PLEKHG7: variants seen among roughly 807,000 people sequenced by gnomAD.
The protein encoded by PLEKHG7 is pleckstrin homology domain-containing family G member 7.
In PLEKHG7, 77 loss-of-function variants were observed where a neutral mutation model predicts 85.2. The observed-to-expected ratio is 0.90, with a 90% CI of 0.75 to 1.09. The LOEUF is 1.09. Ranked by LOEUF, PLEKHG7 falls within the 50% of genes least tolerant of loss-of-function variation. PLEKHG7 has a pLI of 0.00. For synonymous variants in PLEKHG7, 301 were observed against 302.4 expected, an observed-to-expected ratio of 1.00 and a Z score of 0.05; for missense variants, 777 against 804.3, an observed-to-expected ratio of 0.97 and a Z score of 0.41.
At chr12:92,720,881 G>A (rs941426289) in intron 3 of PLEKHG7, among the ~76,000 whole-genome samples, 6 of 152,140 alleles carry the variant, frequency 3.9e-5, no homozygotes, top group African/African-American at 9.7e-5. Flanking sequence ...GTTTTGTAGT[G>A]CATTAAAATA....
intron 3 of PLEKHG7, among the ~76,000 whole-genome samples, chr12:92,718,470 G>A (rs1250273547): frequency 2.6e-5 from 4 of 152,082 alleles, no homozygotes; most frequent in South Asian, 2.1e-4. Flanking sequence ...CCTTATCCCC[G>A]GTACCTAGAA....
rs780098849 is a variant in PLEKHG7 at position 92,740,868 on chromosome 12, C to G, written c.955C>G (p.Leu319Val). 2 of 1,603,672 alleles carry G rather than the reference C, an allele frequency of 1.2e-6. No homozygotes were observed. Among genetic ancestry groups the G allele is most frequent in the East Asian group, 4.5e-5 (2 of 44,654 alleles). ...LVLKMIFMNTLRYLQTHEYLL... is the reference protein window; with the variant it reads ...LVLKMIFMNTVRYLQTHEYLL... ...TATTTCAAAGATCTTTATGAATACA[C>G]TAAGATATCTGCAAACTCATGAATA... Residue 319 changes from leucine to valine, a missense_variant, in exon 8 of 17, where the codon CTA becomes GTA. Transcript: ENST00000344636.
intron 2 of PLEKHG7, 77 bp from the exon 3 acceptor site, chr12:92,707,573 C>A: frequency 1.3e-6 from 2 of 1,570,028 alleles, no homozygotes; most frequent in Non-Finnish European, 1.7e-6. Context: ...CATTGTTTCT[C>A]CTTTCAACAT....
chr12:92,721,601 T>C, intron 3 of PLEKHG7: 3 of 1,136,684 alleles, frequency 2.6e-6, no homozygotes, highest in Non-Finnish European at 3.3e-6. Context: ...GGTGTCCTGC[T>C]CTAGAGAGCT....
At chr12:92,706,241 A>G (rs75891334) in intron 1 of PLEKHG7, among the ~76,000 whole-genome samples, 8,171 of 152,208 alleles carry the variant, frequency 0.054, 740 homozygotes, top group African/African-American at 0.18. Flanking sequence ...TTTTGTTTGA[A>G]CCTAGAAGGA....
At chr12:92,750,590 T>G (rs577220021) in intron 10 of PLEKHG7, among the ~76,000 whole-genome samples, 7 of 152,312 alleles carry the variant, frequency 4.6e-5, no homozygotes, top group Middle Eastern at 6.8e-3. Context: ...GTGAGTTTTT[T>G]GGGAGGACAG....
intron 3 of PLEKHG7, among the ~76,000 whole-genome samples, chr12:92,718,905 C>T (rs1313404545): frequency 6.6e-6 from 1 of 152,192 alleles, no homozygotes; most frequent in Admixed American, 6.5e-5. Flanking sequence ...ATTTCTCACA[C>T]ATGATGAGAC....
At chr12:92,726,963 G>T (rs1035020142) in intron 3 of PLEKHG7, among the ~76,000 whole-genome samples, 6 of 152,220 alleles carry the variant, frequency 3.9e-5, no homozygotes, top group Non-Finnish European at 8.8e-5. Context: ...GATTTGCAAA[G>T]ACTTCTGTGT....
At chr12:92,704,886 C>T (rs990705290) in intron 1 of PLEKHG7, among the ~76,000 whole-genome samples, 2 of 152,150 alleles carry the variant, frequency 1.3e-5, no homozygotes, top group East Asian at 1.9e-4. Flanking sequence ...ACTTACTTGA[C>T]CTTAAACAAG....
At chr12:92,756,215 G>A (rs913981385) in intron 12 of PLEKHG7, 83 bp from the exon 13 acceptor site, 1 of 994,310 alleles carries the variant, frequency 1.0e-6, no homozygotes, top group African/African-American at 1.6e-5. Context: ...CTTTCTAGAT[G>A]GAGTTAATTG....
chr12:92,719,078 A>G (rs2136579643), intron 3 of PLEKHG7, among the ~76,000 whole-genome samples: 1 of 152,318 alleles, frequency 6.6e-6, no homozygotes, highest in African/African-American at 2.4e-5. Flanking sequence ...TTTCCAACAA[A>G]TGGAATACTT....
intron 4 of PLEKHG7, 48 bp downstream of exon 4, chr12:92,729,168 A>G: frequency 8.1e-7 from 1 of 1,230,806 alleles, no homozygotes; most frequent in Non-Finnish European, 1.0e-6. Flanking sequence ...TGTGGAACAG[A>G]TATTGCCATA....
At chr12:92,761,640 AAGAAAG>A (rs1488416372) in intron 13 of PLEKHG7, 106 bp from the exon 14 acceptor site, 8 of 687,680 alleles carry the variant, frequency 1.2e-5, no homozygotes, top group African/African-American at 6.6e-5. Flanking sequence ...GAAAGAAAGA[AAGAAAG>A]AAAGAAAGAA....
rs1189943877 is a variant in PLEKHG7 at position 92,729,017 on chromosome 12, T to G, written c.555T>G (p.Ser185=). 1 of 1,231,776 alleles carries G rather than the reference T, an allele frequency of 8.1e-7. No homozygotes were observed. Among genetic ancestry groups the G allele is most frequent in the Admixed American group, 4.2e-5 (1 of 23,690 alleles). 76.3% of individuals were successfully genotyped at this position (1,231,776 alleles called of 1,614,324 possible). A position where few individuals can be genotyped will look rare whatever the true frequency, so the allele number is the denominator to read the frequency against. ...PSRFYEHRRS[S]VVLNLPGLEV... ...GGTTCTACGAGCACAGGCGGAGTTC[T>G]GTGGTGCTGAACTTACCTGGACTTG... Residue 185 remains serine (S), a synonymous_variant, in exon 4 of 17, where the codon TCT becomes TCG. Transcript: ENST00000344636.
intron 5 of PLEKHG7, among the ~76,000 whole-genome samples, chr12:92,735,537 G>A (rs1872119549): frequency 6.6e-6 from 1 of 152,198 alleles, no homozygotes; most frequent in South Asian, 2.1e-4. Flanking sequence ...AATAGAACAA[G>A]TTGAAAAATT....
intron 3 of PLEKHG7, among the ~76,000 whole-genome samples, chr12:92,709,524 G>C (rs1348009569): frequency 6.6e-5 from 10 of 152,150 alleles, no homozygotes. Flanking sequence ...AGGCACCAGG[G>C]GTGGATGTAC....
chr12:92,747,908 A>G (rs1257347371), intron 10 of PLEKHG7, among the ~76,000 whole-genome samples: 2 of 152,280 alleles, frequency 1.3e-5, no homozygotes, highest in East Asian at 1.9e-4. Flanking sequence ...GGAGAAGGGG[A>G]TGAAGAGAGG....
intron 10 of PLEKHG7, chr12:92,749,437 A>G (rs914037474): frequency 1.6e-4 from 25 of 152,138 alleles, no homozygotes; most frequent in African/African-American, 5.8e-4. Context: ...GACTACAAAC[A>G]TGTGCCACCA....
chr12:92,761,038 G>T (rs1195175343), intron 13 of PLEKHG7, among the ~76,000 whole-genome samples: 1 of 152,164 alleles, frequency 6.6e-6, no homozygotes, highest in Non-Finnish European at 1.5e-5. Context: ...GGGATAGGGT[G>T]GAGGTATCCG....
Sources: allele counts gnomAD v4.1 joint callset (sites outside exome capture counted in the v4.1 genomes callset), GRCh38; gene constraint gnomAD v4.1.1; transcripts MANE v1.5; gene names NCBI Gene and HGNC (gene_info 2026-07-23, HGNC 2026-07-21).